Variants in NAALADL2 observed in about 807,000 individuals in gnomAD.
NAALADL2 encodes the protein inactive N-acetylated-alpha-linked acidic dipeptidase-like protein 2.
In NAALADL2, 76 loss-of-function variants were observed where a neutral mutation model predicts 87.2. The ratio of observed to expected loss-of-function variants is 0.87; its 90% CI spans 0.72 to 1.05. The LOEUF is 1.05. Among genes scored for constraint, NAALADL2 ranks in the 50% least tolerant of loss-of-function variants. The pLI, the probability that NAALADL2 is intolerant of heterozygous loss-of-function variation, is 0.00. For missense variants in NAALADL2, 1,089 were observed against 945.8 expected (o/e 1.15, Z -1.99); for synonymous variants, 354 against 331.0 (o/e 1.07, Z -0.75).
chr3:174,675,481 A>G (rs925112228), intron 2 of NAALADL2, among the ~76,000 whole-genome samples: 6 of 152,052 alleles, frequency 3.9e-5, no homozygotes, highest in African/African-American at 1.4e-4. Context: ...GCTTGGCAAC[A>G]TAGGCTTTGC....
intron 2 of NAALADL2, among the ~76,000 whole-genome samples, chr3:175,200,987 G>A (rs1739933680): frequency 1.3e-5 from 2 of 152,110 alleles, no homozygotes; most frequent in African/African-American, 4.8e-5. Flanking sequence ...AAACAGCACA[G>A]ATAGCACCTC....
At chr3:175,190,948 A>C (rs946012181) in intron 2 of NAALADL2, among the ~76,000 whole-genome samples, 10 of 148,498 alleles carry the variant, frequency 6.7e-5, no homozygotes, top group African/African-American at 2.2e-4. Flanking sequence ...ACTGCACTCC[A>C]GCCTGGGCAA....
chr3:174,546,799 A>T (rs778380173), intron 1 of NAALADL2, among the ~76,000 whole-genome samples: 2 of 152,182 alleles, frequency 1.3e-5, no homozygotes, highest in Non-Finnish European at 2.9e-5. Flanking sequence ...CTGAGACTAC[A>T]GGTGTGTGCC....
chr3:174,982,010 A>G lies in NAALADL2; in HGVS notation c.44-114780A>G, dbSNP rs180843585. Among the ~76,000 whole-genome samples, 383 of 152,350 alleles carry G rather than the reference A, an allele frequency of 2.5e-3. 2 individuals are homozygous for G. The highest frequency in any genetic ancestry group is 4.1e-3 in the Non-Finnish European group (277 of 68,032). On this transcript the variant is annotated intron_variant, in intron 1 of 13. Coordinates refer to ENST00000454872, the MANE Select transcript of NAALADL2 (RefSeq NM_207015.3). ...GCTGAAACTTAAGAATACGGTCACAACTAACTTCAAGGAAAGCTAGCAAGT... is the reference window on the plus strand; with the variant it reads ...GCTGAAACTTAAGAATACGGTCACAGCTAACTTCAAGGAAAGCTAGCAAGT...
chr3:174,616,675 T>C (rs1273335950), intron 2 of NAALADL2, among the ~76,000 whole-genome samples: 1 of 151,876 alleles, frequency 6.6e-6, no homozygotes, highest in Non-Finnish European at 1.5e-5. Flanking sequence ...GTATGTCTAT[T>C]TGGGAACAGC....
At chr3:174,954,879 G>C (rs998073096) in intron 1 of NAALADL2, among the ~76,000 whole-genome samples, 1 of 152,096 alleles carries the variant, frequency 6.6e-6, no homozygotes, top group African/African-American at 2.4e-5. Context: ...TCTAACTTAA[G>C]AGCTAGGGCA....
rs1317167888 is a variant in NAALADL2 at position 175,737,317 on chromosome 3, A to G, written c.1908A>G (p.Glu636=). The change falls in exon 12 of 14, where the codon GAA becomes GAG. Residue 636 remains glutamate, a synonymous_variant. Transcript: ENST00000454872. The part of the protein sequence containing the change: ...LHETITKLSG[E]VILQIANEPV... Reference sequence around the variant, plus strand: ...CTTTTTTCTTTCAGCTCTCAGGAGAAGTGATTTTGCAAATTGCCAACGAAC... The same window carrying G: ...CTTTTTTCTTTCAGCTCTCAGGAGAGGTGATTTTGCAAATTGCCAACGAAC... 6.2e-7 allele frequency: 1 copy of G among 1,603,890 alleles called. No homozygotes were observed. Among genetic ancestry groups the G allele is most frequent in the Non-Finnish European group, 8.5e-7 (1 of 1,171,034 alleles).
At chr3:174,871,440 C>G (rs1292008565) in intron 1 of NAALADL2, among the ~76,000 whole-genome samples, 1 of 152,182 alleles carries the variant, frequency 6.6e-6, no homozygotes, top group Non-Finnish European at 1.5e-5. Context: ...AAAGTTGTTT[C>G]TTTCTTGTTC....
At chr3:175,068,772 T>C (rs1414248153) in intron 1 of NAALADL2, among the ~76,000 whole-genome samples, 1 of 152,130 alleles carries the variant, frequency 6.6e-6, no homozygotes, top group African/African-American at 2.4e-5. Flanking sequence ...AGTTATATTT[T>C]AACTCAATAA....
intron 9 of NAALADL2, among the ~76,000 whole-genome samples, chr3:175,538,665 A>C (rs1371284005): frequency 6.6e-6 from 1 of 152,186 alleles, no homozygotes; most frequent in Non-Finnish European, 1.5e-5. Context: ...CTCAGTAAGA[A>C]ATTTTAATTT....
At chr3:174,762,843 A>G (rs1713213657) in intron 3 of NAALADL2, among the ~76,000 whole-genome samples, 1 of 152,212 alleles carries the variant, frequency 6.6e-6, no homozygotes, top group Non-Finnish European at 1.5e-5. Flanking sequence ...TCTTAATTAC[A>G]TGGAGCTTGA....
At chr3:175,322,566 A>T (rs1581413797) in intron 4 of NAALADL2, among the ~76,000 whole-genome samples, 1 of 100,418 alleles carries the variant, frequency 1.0e-5, no homozygotes, top group African/African-American at 6.4e-5. Flanking sequence ...ACAAAATGGG[A>T]GAAAATTTTC....
chr3:175,640,104 CAAAG>C (rs1416692480), intron 11 of NAALADL2, among the ~76,000 whole-genome samples: 2 of 152,128 alleles, frequency 1.3e-5, no homozygotes, highest in South Asian at 4.1e-4. Flanking sequence ...TATTTTATAA[CAAAG>C]AAAGGTTATT....
intron 1 of NAALADL2, among the ~76,000 whole-genome samples, chr3:174,979,304 C>CTTTTTTTTTTTTTTTTT (rs5854604): frequency 1.4e-4 from 15 of 105,222 alleles, no homozygotes; most frequent in African/African-American, 5.2e-4. Flanking sequence ...TCTTTCTTTT[C>CTTTTTTTTTTTTTTTTT]TTTTTTTTTT....
chr3:174,729,207 T>G (rs1425101347), intron 2 of NAALADL2, among the ~76,000 whole-genome samples: 3 of 152,078 alleles, frequency 2.0e-5, no homozygotes, highest in African/African-American at 7.2e-5. Context: ...TTGGTTACCA[T>G]GAACACTGGT....
chr3:174,670,642 C>A (rs917163874), intron 2 of NAALADL2, among the ~76,000 whole-genome samples: 1 of 151,888 alleles, frequency 6.6e-6, no homozygotes, highest in African/African-American at 2.4e-5. Flanking sequence ...TCTTTTCAAT[C>A]TTGATTTTTC....
chr3:174,662,248 A>G (rs892485523), intron 2 of NAALADL2, among the ~76,000 whole-genome samples: 2 of 152,202 alleles, frequency 1.3e-5, no homozygotes, highest in Non-Finnish European at 2.9e-5. Flanking sequence ...GTTTAGAAGT[A>G]CTTTTACTGA....
intron 11 of NAALADL2, among the ~76,000 whole-genome samples, chr3:175,667,530 T>A (rs1733359429): frequency 6.6e-6 from 1 of 152,136 alleles, no homozygotes; most frequent in African/African-American, 2.4e-5. Context: ...TATTCTCTTG[T>A]TTCTTTGAGT....
chr3:174,635,756 G>A (rs1722579136), intron 2 of NAALADL2, among the ~76,000 whole-genome samples: 1 of 152,094 alleles, frequency 6.6e-6, no homozygotes, highest in Admixed American at 6.5e-5. Context: ...GCCTGTTTGG[G>A]CCTCCCAAAG....
Sources: allele counts gnomAD v4.1 joint callset (sites outside exome capture counted in the v4.1 genomes callset), GRCh38; gene constraint gnomAD v4.1.1; transcripts MANE v1.5; gene names NCBI Gene and HGNC (gene_info 2026-07-23, HGNC 2026-07-21).